The following DLGAP2 variants were observed in gnomAD, a reference collection of about 807,000 sequenced individuals.
DLGAP2 encodes DLG associated protein 2.
In DLGAP2, 26 loss-of-function variants were observed where a neutral mutation model predicts 100.3. The ratio of observed to expected loss-of-function variants is 0.26; its 90% CI spans 0.19 to 0.36. The LOEUF (loss-of-function observed/expected upper bound fraction) is 0.36, where lower values mean the gene tolerates loss of function less well. DLGAP2 is among the 10% of genes least tolerant of loss of function. The pLI is 1.00. For missense variants in DLGAP2, 1,858 were observed against 1,453.2 expected (o/e 1.28, Z -4.53); for synonymous variants, 886 against 630.1 (o/e 1.41, Z -6.08).
chr8:1,304,958 G>A (rs1296140980), intron 3 of DLGAP2, among the ~76,000 whole-genome samples: 3 of 152,198 alleles, frequency 2.0e-5, no homozygotes, highest in Non-Finnish European at 2.9e-5. Context: ...CCCAGCTGAA[G>A]TGAGACAGAT....
chr8:1,253,083 G>A (rs555289793), intron 2 of DLGAP2, among the ~76,000 whole-genome samples: 4 of 152,170 alleles, frequency 2.6e-5, no homozygotes, highest in Admixed American at 1.3e-4. Flanking sequence ...GCCCACGCCC[G>A]GGCCTGTCCC....
At chr8:1,606,978 C>T (rs982073741) in intron 6 of DLGAP2, among the ~76,000 whole-genome samples, 16 of 152,218 alleles carry the variant, frequency 1.1e-4, no homozygotes, top group Admixed American at 3.3e-4. Context: ...AGCCACAGCA[C>T]CCGGCCTCCT....
chr8:1,092,681 T>G (rs905008039), intron 2 of DLGAP2, among the ~76,000 whole-genome samples: 14 of 152,320 alleles, frequency 9.2e-5, no homozygotes, highest in African/African-American at 3.1e-4. Context: ...TGCTGAGGTT[T>G]CAGGGTTGGT....
intron 1 of DLGAP2, among the ~76,000 whole-genome samples, chr8:857,099 G>T (rs1411172525): frequency 6.6e-6 from 1 of 152,174 alleles, no homozygotes; most frequent in Non-Finnish European, 1.5e-5. Context: ...TGATGAAGGA[G>T]GAAAGGCCAT....
At chr8:1,233,428 T>C (rs1376826495) in intron 2 of DLGAP2, among the ~76,000 whole-genome samples, 2 of 152,190 alleles carry the variant, frequency 1.3e-5, no homozygotes, top group Non-Finnish European at 2.9e-5. Flanking sequence ...TTAGTAATTA[T>C]TGCAAACGTC....
At chr8:1,358,594 C>A (rs139384498) in intron 3 of DLGAP2, among the ~76,000 whole-genome samples, 92 of 152,268 alleles carry the variant, frequency 6.0e-4, no homozygotes, top group East Asian at 4.8e-3. Flanking sequence ...AAGAAAGAGG[C>A]CTGCAGTGAA....
intron 2 of DLGAP2, among the ~76,000 whole-genome samples, chr8:934,336 A>C (rs1406815987): frequency 1.5e-4 from 21 of 142,126 alleles, no homozygotes; most frequent in Admixed American, 2.8e-4. Flanking sequence ...TGCTGTGGAG[A>C]CACCTGGCCG....
intron 2 of DLGAP2, among the ~76,000 whole-genome samples, chr8:1,257,668 C>G (rs998663431): frequency 1.3e-5 from 2 of 152,144 alleles, no homozygotes; most frequent in Non-Finnish European, 2.9e-5. Context: ...GAGCCAGTGT[C>G]TTTCTGAGGG....
At chr8:761,169 G>A (rs1379173880) in intron 1 of DLGAP2, among the ~76,000 whole-genome samples, 1 of 152,152 alleles carries the variant, frequency 6.6e-6, no homozygotes, top group African/African-American at 2.4e-5. Flanking sequence ...TGGGGGGCCA[G>A]GCCCCTTCTC....
intron 2 of DLGAP2, among the ~76,000 whole-genome samples, chr8:1,225,411 C>G (rs1798393907): frequency 6.6e-6 from 1 of 152,180 alleles, no homozygotes; most frequent in African/African-American, 2.4e-5. Flanking sequence ...GAGGTAATTG[C>G]CAGCGGCAGA....
intron 2 of DLGAP2, among the ~76,000 whole-genome samples, chr8:979,278 A>G (rs1800261548): frequency 6.6e-6 from 1 of 152,254 alleles, no homozygotes; most frequent in Non-Finnish European, 1.5e-5. Context: ...ACAGCTTTAA[A>G]TATACTGACA....
chr8:1,500,313 C>T (rs536334300), intron 3 of DLGAP2, among the ~76,000 whole-genome samples: 2 of 152,326 alleles, frequency 1.3e-5, no homozygotes, highest in South Asian at 4.1e-4. Context: ...TGTGTCTACA[C>T]TGCCTCTGCA....
chr8:1,334,405 A>G (rs762101179), intron 3 of DLGAP2, among the ~76,000 whole-genome samples: 1 of 152,180 alleles, frequency 6.6e-6, no homozygotes, highest in Non-Finnish European at 1.5e-5. Flanking sequence ...CAAATGGTGG[A>G]TATGTCAAGG....
chr8:1,048,230 G>T (rs1802569056), intron 2 of DLGAP2, among the ~76,000 whole-genome samples: 1 of 152,124 alleles, frequency 6.6e-6, no homozygotes. Context: ...ACTGTGCCCG[G>T]CGCGTGTTCT....
chr8:1,346,318 G>A (rs1026171891), intron 3 of DLGAP2, among the ~76,000 whole-genome samples: 33 of 151,832 alleles, frequency 2.2e-4, no homozygotes, highest in African/African-American at 7.5e-4. Flanking sequence ...TAGCTGTGTG[G>A]AGGTTGCGTT....
chr8:1,473,515 G>A (rs1251522601), intron 3 of DLGAP2, among the ~76,000 whole-genome samples: 1 of 152,232 alleles, frequency 6.6e-6, no homozygotes, highest in Non-Finnish European at 1.5e-5. Context: ...CAGAACTGAA[G>A]GGAAAAAGCT....
At chr8:1,000,201 A>G (rs916206330) in intron 2 of DLGAP2, among the ~76,000 whole-genome samples, 2 of 146,688 alleles carry the variant, frequency 1.4e-5, no homozygotes, top group South Asian at 2.2e-4. Context: ...TTTCTTTTGC[A>G]CTGGATTTTC....
chr8:881,225 T>A (rs1221864370), intron 1 of DLGAP2, among the ~76,000 whole-genome samples: 1 of 152,188 alleles, frequency 6.6e-6, no homozygotes, highest in Non-Finnish European at 1.5e-5. Context: ...TAATAGGCGA[T>A]CTTCATTTGA....
intron 3 of DLGAP2, among the ~76,000 whole-genome samples, chr8:1,338,758 G>A (rs778387003): frequency 1.3e-5 from 2 of 152,186 alleles, no homozygotes; most frequent in Non-Finnish European, 2.9e-5. Context: ...GATGAGGTAC[G>A]CACCCTGTGG....
Sources: allele counts gnomAD v4.1 joint callset (sites outside exome capture counted in the v4.1 genomes callset), GRCh38; gene constraint gnomAD v4.1.1; transcripts MANE v1.5; gene names NCBI Gene and HGNC (gene_info 2026-07-23, HGNC 2026-07-21).